Variants in FBXO11 observed in about 807,000 individuals in gnomAD.
FBXO11 encodes F-box only protein 11.
In FBXO11, 13 loss-of-function variants were observed where a neutral mutation model predicts 117.0. The ratio of observed to expected loss-of-function variants is 0.11; its 90% CI spans 0.07 to 0.18. FBXO11 has a LOEUF of 0.18. Among genes scored for constraint, FBXO11 ranks in the 10% least tolerant of loss-of-function variants. The pLI is 1.00. For synonymous variants in FBXO11, 490 were observed against 380.5 expected (o/e 1.29, Z -3.35); for missense variants, 767 against 1,164.4 (o/e 0.66, Z 4.97).
rs189009453 is a variant in FBXO11, at chr2:47,859,321, T to A, written c.233-19552A>T. 4.3e-4 allele frequency among the ~76,000 whole-genome samples: 65 copies of A among 151,956 alleles called. 1 individual carries two copies. In the East Asian group the frequency reaches 8.5e-3, roughly 20 times the overall value. On this transcript the variant is annotated intron_variant, in intron 1 of 22. Coordinates refer to ENST00000403359, the MANE Select transcript of FBXO11 (RefSeq NM_001190274.2). ...TACAAAAATAAAAAATGAAAAAAAA[T>A]TAAGGATTTAGAGAACTTGTGCCAA...
In FBXO11 at chr2:47,900,642, A is replaced by G. The variant is rs540637921; in HGVS notation, c.232+4847T>C. On this transcript the variant is annotated intron_variant, in intron 1 of 22. Transcript: ENST00000403359. ...TACACACGTATACACACACGTACGT[A>G]TATACACACGTATACACACACGTAC... Among the ~76,000 whole-genome samples the G allele has an allele frequency of 7.2e-4, 66 of 91,094 alleles. 3 individuals are homozygous for G. The highest frequency in any genetic ancestry group is 1.8e-3 in the African/African-American group (60 of 32,498). The allele number at this position is 91,094 out of a possible 152,430, so 59.8% of individuals were successfully genotyped here.
At chr2:47,883,590 G>T in intron 1 of FBXO11, 2 of 318,906 alleles carry the variant, frequency 6.3e-6, no homozygotes, top group South Asian at 6.1e-5. Flanking sequence ...ACTGATGTTT[G>T]ATGGCAAGCA....
At chr2:47,839,030 T>C (rs757614683) in intron 3 of FBXO11, 27 bp from the exon 4 acceptor site, 7 of 1,580,752 alleles carry the variant, frequency 4.4e-6, no homozygotes, top group East Asian at 2.3e-5. Context: ...ATATAAACTA[T>C]CATTCGAGCA....
intron 1 of FBXO11, among the ~76,000 whole-genome samples, chr2:47,875,559 A>T (rs1487489512): frequency 6.6e-6 from 1 of 151,936 alleles, no homozygotes; most frequent in East Asian, 1.9e-4. Context: ...CTAGAGTAGT[A>T]AAATATTTCA....
intron 1 of FBXO11, among the ~76,000 whole-genome samples, chr2:47,867,023 T>G (rs77417475): frequency 6.6e-6 from 1 of 152,200 alleles, no homozygotes; most frequent in Non-Finnish European, 1.5e-5. Context: ...TCACAACTTA[T>G]AAATAAGCTA....
chr2:47,835,776 G>T, intron 5 of FBXO11, 96 bp downstream of exon 5: 3 of 935,486 alleles, frequency 3.2e-6, no homozygotes, highest in Non-Finnish European at 3.0e-6. Context: ...GGGATTACAG[G>T]TGTGAGCCAC....
chr2:47,875,397 G>A (rs1023779457), intron 1 of FBXO11, among the ~76,000 whole-genome samples: 10 of 151,936 alleles, frequency 6.6e-5, no homozygotes, highest in African/African-American at 2.4e-5. Context: ...CGTTTTTGAA[G>A]TAGGATGTAG....
chr2:47,855,853 A>AT (rs1380653565), intron 1 of FBXO11, among the ~76,000 whole-genome samples: 2 of 152,254 alleles, frequency 1.3e-5, no homozygotes, highest in South Asian at 2.1e-4. Flanking sequence ...AAAAAAAAAA[A>AT]AGGAATGTTG....
chr2:47,827,508 T>C (rs533348429), intron 11 of FBXO11, among the ~76,000 whole-genome samples: 55 of 152,044 alleles, frequency 3.6e-4, no homozygotes, highest in African/African-American at 1.3e-3. Context: ...GGTTTCACTA[T>C]GTTGGCCAGG....
intron 2 of FBXO11, 48 bp from the exon 3 acceptor site, chr2:47,839,548 ATAATCATTAC>A (rs1370918772): frequency 6.2e-7 from 1 of 1,605,586 alleles, no homozygotes; most frequent in Admixed American, 1.7e-5. Context: ...CTTATCATCC[ATAATCATTAC>A]TTCTAAAAAA....
intron 1 of FBXO11, among the ~76,000 whole-genome samples, chr2:47,872,988 G>A (rs1307840647): frequency 2.0e-5 from 3 of 152,048 alleles, no homozygotes; most frequent in African/African-American, 7.2e-5. Context: ...GGGGCACAGG[G>A]CTCCACAAGC....
intron 18 of FBXO11, 30 bp downstream of exon 18, chr2:47,813,204 T>A: frequency 6.2e-7 from 1 of 1,607,958 alleles, no homozygotes; most frequent in Non-Finnish European, 8.5e-7. Context: ...AAAACTGGAT[T>A]TTTCACTAAT....
At chr2:47,885,685 GGTAGA>G (rs1159396896) in intron 1 of FBXO11, among the ~76,000 whole-genome samples, 2 of 152,266 alleles carry the variant, frequency 1.3e-5, no homozygotes, top group Non-Finnish European at 2.9e-5. Flanking sequence ...TTCCACAGGT[GGTAGA>G]GTAAAGCCTT....
intron 19 of FBXO11, 50 bp from the exon 20 acceptor site, chr2:47,809,757 T>C: frequency 8.1e-7 from 1 of 1,237,204 alleles, no homozygotes; most frequent in African/African-American, 1.5e-5. Flanking sequence ...TACTGCTTCT[T>C]AAAAACCTGA....
chr2:47,807,733 T>C lies in FBXO11; in HGVS notation c.*385A>G, dbSNP rs752113299. ...CATTTTTACCATATTACAAAAGCAA[T>C]TGGTACCCATGTCCATAAAGGCAGC... On this transcript the variant is annotated 3_prime_UTR_variant, in exon 23 of 23. Transcript: ENST00000403359. 3 of 238,408 alleles carry C rather than the reference T, an allele frequency of 1.3e-5. No individual in the cohort carries two copies. The highest frequency in any genetic ancestry group is 2.5e-5 in the Non-Finnish European group (3 of 120,760). The allele number at this position is 238,408 out of a possible 1,614,324, so 14.8% of individuals were successfully genotyped here. A position where few individuals can be genotyped will look rare whatever the true frequency, so the allele number is the denominator to read the frequency against.
intron 1 of FBXO11, among the ~76,000 whole-genome samples, chr2:47,874,094 A>T (rs772702343): frequency 3.2e-4 from 48 of 152,182 alleles, no homozygotes; most frequent in Non-Finnish European, 5.6e-4. Context: ...GGCACCTGTA[A>T]TTCCAGCTAC....
At chr2:47,811,581 C>G (rs1670616871) in intron 18 of FBXO11, 1 of 152,186 alleles carries the variant, frequency 6.6e-6, no homozygotes, top group Non-Finnish European at 1.5e-5. Flanking sequence ...TGGTCATAAC[C>G]AATTTGGATA....
chr2:47,876,070 C>T (rs561875935), intron 1 of FBXO11, among the ~76,000 whole-genome samples: 1 of 152,322 alleles, frequency 6.6e-6, no homozygotes, highest in East Asian at 1.9e-4. Context: ...GGTAAAATAA[C>T]TCCTTAATGT....
intron 5 of FBXO11, among the ~76,000 whole-genome samples, chr2:47,835,227 G>A (rs566382927): frequency 3.9e-5 from 6 of 152,238 alleles, no homozygotes; most frequent in East Asian, 3.9e-4. Flanking sequence ...AATGTCTCCC[G>A]ACATCGCCAA....
Sources: allele counts gnomAD v4.1 joint callset (sites outside exome capture counted in the v4.1 genomes callset), GRCh38; gene constraint gnomAD v4.1.1; transcripts MANE v1.5; gene names NCBI Gene and HGNC (gene_info 2026-07-23, HGNC 2026-07-21).